Variants in SHANK2 observed in about 807,000 individuals in gnomAD.
SHANK2 encodes the protein SH3 and multiple ankyrin repeat domains protein 2.
In SHANK2, 43 loss-of-function variants were observed where a neutral mutation model predicts 133.7. That is an observed-to-expected ratio of 0.32 (90% CI 0.25 to 0.41). The LOEUF is 0.41. Among genes scored for constraint, SHANK2 ranks in the 10% least tolerant of loss-of-function variants. The probability of loss-of-function intolerance (pLI) is 1.00; values close to 1 mark genes in which losing one functional copy is unlikely to be tolerated. For synonymous variants in SHANK2, 1,017 were observed against 952.8 expected (o/e 1.07, Z -1.24); for missense variants, 1,994 against 2,235.8 (o/e 0.89, Z 2.18).
At chr11:70,767,080 G>A (rs1405735629) in intron 14 of SHANK2, among the ~76,000 whole-genome samples, 3 of 152,178 alleles carry the variant, frequency 2.0e-5, no homozygotes, top group Non-Finnish European at 1.5e-5. Flanking sequence ...TGCAGAGTGG[G>A]GACACAGATG....
intron 18 of SHANK2, 52 bp downstream of exon 18, chr11:70,502,741 ACCC>A (rs1555159047): frequency 7.5e-5 from 29 of 386,292 alleles, no homozygotes; most frequent in African/African-American, 6.6e-4. Context: ...GCCCGCCCCC[ACCC>A]CCCCCCCCCA....
In SHANK2 at chr11:70,820,661, G is replaced by A. The variant is rs1485645142; in HGVS notation, c.1196C>T (p.Ala399Val). 3.6e-5 allele frequency: 25 copies of A among 694,368 alleles called. No homozygotes were observed. Among genetic ancestry groups the A allele is most frequent in the African/African-American group, 1.4e-4 (8 of 56,628 alleles). The allele number at this position is 694,368 out of a possible 1,614,324, so 43.0% of individuals were successfully genotyped here. A position where few individuals can be genotyped will look rare whatever the true frequency, so the allele number is the denominator to read the frequency against. Reference sequence around the variant, plus strand: ...GGGCCGCCGCCGGCGGTTGGAGTACGCCGGGGCCTCTCGGAAGGGCACTGG... The same window carrying A: ...GGGCCGCCGCCGGCGGTTGGAGTACACCGGGGCCTCTCGGAAGGGCACTGG... ...TDIVPFREAP[A>V]YSNRRRRPPN... Residue 399 changes from alanine (A) to valine (V), a missense_variant, in exon 12 of 26, where the codon GCG becomes GTG. Ala to Val is a moderately conservative substitution (Grantham distance 64, BLOSUM62 0). Around this residue, in one of 5 missense-constraint regions of SHANK2, gnomAD observed 653 missense variants for 563.4 expected, o/e 1.16. Transcript: ENST00000601538.
At position 70,473,596 on chromosome 11, in the gene SHANK2, G is replaced by C; in HGVS notation, c.4980-157C>G. 1.3e-6 allele frequency: 1 copy of C among 758,950 alleles called. No individual in the cohort carries two copies. Among genetic ancestry groups the C allele is most frequent in the Non-Finnish European group, 2.3e-6 (1 of 439,642 alleles). 47.0% of individuals were successfully genotyped at this position (758,950 alleles called of 1,614,324 possible). On this transcript the variant is annotated intron_variant, in intron 25 of 25. Coordinates refer to ENST00000601538, the MANE Select transcript of SHANK2 (RefSeq NM_012309.5). This position sits in a 1 kb window ranked among gnomAD's most constrained non-coding sequence, Gnocchi z 5.9. ...GTGAACGAATGATTTGCCATGCCAG[G>C]GTGGGGGAGGGGGAGAAAGGGGCCA...
chr11:70,764,063 AATCCATCCATCC>A (rs782452712), intron 14 of SHANK2, among the ~76,000 whole-genome samples: 13 of 127,010 alleles, frequency 1.0e-4, no homozygotes, highest in Admixed American at 1.7e-4. Flanking sequence ...TATACCCACC[AATCCATCCATCC>A]ATCCATCCAT....
intron 21 of SHANK2, among the ~76,000 whole-genome samples, chr11:70,499,528 G>C (rs1463363219): frequency 6.6e-6 from 1 of 152,234 alleles, no homozygotes; most frequent in African/African-American, 2.4e-5. Context: ...CTGGGTCCCT[G>C]GCAGCCATGG....
chr11:70,816,436 C>A (rs1590716120), intron 12 of SHANK2, among the ~76,000 whole-genome samples: 2 of 152,320 alleles, frequency 1.3e-5, no homozygotes, highest in East Asian at 3.9e-4. Flanking sequence ...CTTTCCCCTC[C>A]ACGGCAGGGA....
At chr11:70,921,281 G>C (rs1208877476) in intron 10 of SHANK2, among the ~76,000 whole-genome samples, 2 of 152,236 alleles carry the variant, frequency 1.3e-5, no homozygotes, top group Non-Finnish European at 2.9e-5. Flanking sequence ...GGTTTGGAAA[G>C]AGGACAGCTG....
chr11:70,636,399 ATGCGAGCATG>A (rs1555004055), intron 17 of SHANK2, among the ~76,000 whole-genome samples: 2 of 150,296 alleles, frequency 1.3e-5, no homozygotes, highest in Admixed American at 6.6e-5. Context: ...ATGAGTGTGT[ATGCGAGCATG>A]TGTGAGCATG....
At chr11:70,729,736 T>C (rs1555031641) in intron 14 of SHANK2, among the ~76,000 whole-genome samples, 1 of 151,212 alleles carries the variant, frequency 6.6e-6, no homozygotes, top group African/African-American at 2.4e-5. Flanking sequence ...GGTTTCACCA[T>C]GTTAGCCAGG....
intron 14 of SHANK2, among the ~76,000 whole-genome samples, chr11:70,762,289 C>T (rs10751283): frequency 0.43 from 65,801 of 152,050 alleles, 14,864 homozygotes; most frequent in South Asian, 0.61. Flanking sequence ...AAGCCCATGT[C>T]AATCGCAGAC....
chr11:71,076,395 A>T (rs1951219963), intron 8 of SHANK2, among the ~76,000 whole-genome samples: 5 of 152,090 alleles, frequency 3.3e-5, no homozygotes, highest in African/African-American at 9.7e-5. Flanking sequence ...TCACCTTCTC[A>T]GGGTCCACGA....
chr11:70,679,858 C>T (rs572685985), intron 15 of SHANK2, among the ~76,000 whole-genome samples: 1 of 152,324 alleles, frequency 6.6e-6, no homozygotes. Context: ...CGTCCACCTG[C>T]CAACAGTTGT....
At chr11:70,501,831 C>T (rs1555158573) in intron 20 of SHANK2, 92 bp downstream of exon 20, 23 of 1,351,068 alleles carry the variant, frequency 1.7e-5, no homozygotes, top group Non-Finnish European at 2.2e-5. Context: ...GCAGCTCACA[C>T]AGGCCTCCGA....
intron 14 of SHANK2, among the ~76,000 whole-genome samples, chr11:70,763,667 G>A (rs1405278778): frequency 6.6e-6 from 1 of 152,192 alleles, no homozygotes; most frequent in Non-Finnish European, 1.5e-5. Context: ...CTCTGAGCCT[G>A]TTGGGCCATA....
At chr11:70,818,703 G>A (rs987672309) in intron 12 of SHANK2, among the ~76,000 whole-genome samples, 4 of 152,216 alleles carry the variant, frequency 2.6e-5, no homozygotes, top group Non-Finnish European at 4.4e-5. Context: ...GTTTGGCTCT[G>A]GTGGGAAGCG....
chr11:70,673,260 C>G (rs1944848974), intron 15 of SHANK2, among the ~76,000 whole-genome samples: 1 of 151,766 alleles, frequency 6.6e-6, no homozygotes, highest in Non-Finnish European at 1.5e-5. Flanking sequence ...CACACTGAAG[C>G]CTCAGCCTTT....
At position 70,471,119 on chromosome 11, in the gene SHANK2, G is replaced by C. The variant is rs2058592998; in HGVS notation, c.*1750C>G. On this transcript the variant is annotated 3_prime_UTR_variant, in exon 26 of 26. Coordinates refer to ENST00000601538, the MANE Select transcript of SHANK2 (RefSeq NM_012309.5). The surrounding 1 kb of genome is among the most constrained non-coding windows in gnomAD (Gnocchi z 4.1). The stretch of plus-strand genomic sequence containing the variant: ...ACTGAAGTGGCACAAAGGCTGCCTA[G>C]TAGACCAGCCACTTTTTTTTCTTAA... The C allele has an allele frequency of 5.0e-6, 2 of 396,896 alleles. No homozygotes were observed. The highest frequency in any genetic ancestry group is 4.1e-5 in the African/African-American group (2 of 48,542). The allele number at this position is 396,896 out of a possible 1,614,324, so 24.6% of individuals were successfully genotyped here. A position where few individuals can be genotyped will look rare whatever the true frequency, so the allele number is the denominator to read the frequency against.
At position 71,067,864 on chromosome 11, in the gene SHANK2, C is replaced by T. The variant is rs1026801849; in HGVS notation, c.1029+7295G>A. Among the ~76,000 whole-genome samples the T allele has an allele frequency of 1.8e-4, 28 of 151,482 alleles. No homozygotes were observed. In the East Asian group the frequency reaches 4.7e-3, roughly 25 times the overall value. The stretch of plus-strand genomic sequence containing the variant: ...TCACCAACAATATGACCACTGTCAC[C>T]ATCACCATCACCACCATCATCACCA... On this transcript the variant is annotated intron_variant, in intron 9 of 25. Transcript: ENST00000601538.
At chr11:70,946,477 CA>C (rs1345185036) in intron 10 of SHANK2, among the ~76,000 whole-genome samples, 1 of 146,018 alleles carries the variant, frequency 6.8e-6, no homozygotes, top group Non-Finnish European at 1.5e-5. Flanking sequence ...AACTCTTCCC[CA>C]GCATCAGCCT....
Sources: gnomAD v4.1 joint callset for allele counts (sites outside exome capture counted in the v4.1 genomes callset) on GRCh38, gnomAD v4.1.1 for gene constraint, gnomAD v4.1.1 regional missense constraint, Gnocchi (gnomAD v3.1) non-coding constraint, MANE v1.5 for transcripts, NCBI Gene and HGNC (gene_info 2026-07-23, HGNC 2026-07-21) for gene names.